CCSER1: variants seen among roughly 807,000 people sequenced by gnomAD.
CCSER1 encodes the protein serine-rich coiled-coil domain-containing protein 1.
Under a neutral mutation model 82.0 loss-of-function variants are expected in CCSER1, and 41 were observed. The observed-to-expected ratio is 0.50, with a 90% CI of 0.39 to 0.65. CCSER1 has a LOEUF of 0.65. Among genes scored for constraint, CCSER1 ranks in the 30% least tolerant of loss-of-function variants. CCSER1 has a pLI of 0.00. For missense variants in CCSER1, 1,119 were observed against 1,064.2 expected, an observed-to-expected ratio of 1.05 and a Z score of -0.72; for synonymous variants, 414 against 383.9, an observed-to-expected ratio of 1.08 and a Z score of -0.92.
intron 10 of CCSER1, among the ~76,000 whole-genome samples, chr4:91,428,992 A>G (rs1447243708): frequency 6.6e-6 from 1 of 151,984 alleles, no homozygotes; most frequent in East Asian, 1.9e-4. Context: ...GAAAAGATTA[A>G]AGGCAAAAGG....
intron 1 of CCSER1, among the ~76,000 whole-genome samples, chr4:90,273,820 CAT>C (rs1273851440): frequency 6.6e-6 from 1 of 152,022 alleles, no homozygotes; most frequent in Non-Finnish European, 1.5e-5. Flanking sequence ...ACTTGAAAAA[CAT>C]AGAAGAAAGG....
At chr4:90,321,136 A>G (rs56709509) in intron 3 of CCSER1, among the ~76,000 whole-genome samples, 46,161 of 151,896 alleles carry the variant, frequency 0.3, 7,169 homozygotes, top group East Asian at 0.44. Context: ...TAGTTACCCT[A>G]TTGTGCTATA....
intron 10 of CCSER1, among the ~76,000 whole-genome samples, chr4:91,268,935 G>A (rs1242738570): frequency 1.3e-5 from 2 of 152,176 alleles, no homozygotes; most frequent in Admixed American, 1.3e-4. Flanking sequence ...TATACGTGCA[G>A]GCTTGGGCTC....
At chr4:90,644,462 T>TATTTA (rs1727129284) in intron 6 of CCSER1, among the ~76,000 whole-genome samples, 1 of 151,784 alleles carries the variant, frequency 6.6e-6, no homozygotes, top group African/African-American at 2.4e-5. Context: ...GTATTTTTTT[T>TATTTA]ATTTAATTTA....
intron 10 of CCSER1, among the ~76,000 whole-genome samples, chr4:91,199,537 A>T (rs1735729532): frequency 6.6e-6 from 1 of 152,068 alleles, no homozygotes; most frequent in Admixed American, 6.6e-5. Flanking sequence ...GTAAAATTAA[A>T]ATTAATATAT....
chr4:91,432,741 A>G (rs1229755714), intron 10 of CCSER1, among the ~76,000 whole-genome samples: 1 of 152,118 alleles, frequency 6.6e-6, no homozygotes, highest in African/African-American at 2.4e-5. Context: ...ACTGATTTTT[A>G]GGAGGTTTAT....
Position 90,550,565 on chromosome 4 carries a change from G to A in CCSER1, c.1725-77460G>A, listed in dbSNP as rs1442482452. On this transcript the variant is annotated intron_variant, in intron 5 of 10. Coordinates refer to ENST00000509176, the MANE Select transcript of CCSER1 (RefSeq NM_001145065.2). Reference sequence around the variant, plus strand: ...TAATATAGAAAAATATATTATTGAGGCAAACAAGTTTTTGTGAAATAAATT... The same window carrying A: ...TAATATAGAAAAATATATTATTGAGACAAACAAGTTTTTGTGAAATAAATT... 3.3e-5 allele frequency among the ~76,000 whole-genome samples: 5 copies of A among 152,002 alleles called. No individual in the cohort carries two copies. In the East Asian group the frequency reaches 9.7e-4, roughly 29 times the overall value.
chr4:90,435,385 C>CTT (rs2153569157), intron 4 of CCSER1, among the ~76,000 whole-genome samples: 1 of 152,020 alleles, frequency 6.6e-6, no homozygotes, highest in Admixed American at 6.5e-5. Context: ...AAACAGAAGC[C>CTT]CTGTTTCTCC....
intron 7 of CCSER1, among the ~76,000 whole-genome samples, chr4:90,807,054 G>C (rs143013379): frequency 6.6e-6 from 1 of 152,074 alleles, no homozygotes; most frequent in African/African-American, 2.4e-5. Flanking sequence ...AGTTTTTGTC[G>C]TAAGGTGGTT....
At chr4:90,188,533 C>T (rs912722483) in intron 1 of CCSER1, among the ~76,000 whole-genome samples, 4 of 151,694 alleles carry the variant, frequency 2.6e-5, no homozygotes, top group African/African-American at 9.7e-5. Context: ...AGTATGTATA[C>T]CAATTACATA....
At chr4:90,629,151 T>TTGA (rs1208338702) in intron 6 of CCSER1, among the ~76,000 whole-genome samples, 1 of 152,128 alleles carries the variant, frequency 6.6e-6, no homozygotes, top group Non-Finnish European at 1.5e-5. Flanking sequence ...TTTGAACACT[T>TTGA]TGATAATAAT....
intron 10 of CCSER1, among the ~76,000 whole-genome samples, chr4:91,254,744 CATA>C (rs890303370): frequency 1.4e-4 from 21 of 152,020 alleles, no homozygotes; most frequent in African/African-American, 5.1e-4. Context: ...TGGGGGAAAA[CATA>C]GTTAACTTTT....
intron 1 of CCSER1, among the ~76,000 whole-genome samples, chr4:90,302,055 T>C (rs1733241930): frequency 6.6e-6 from 1 of 152,188 alleles, no homozygotes; most frequent in Non-Finnish European, 1.5e-5. Context: ...TTAGCATAAT[T>C]ACCCTCAGGA....
chr4:91,083,426 G>A (rs1161681141), intron 9 of CCSER1, among the ~76,000 whole-genome samples: 3 of 151,972 alleles, frequency 2.0e-5, no homozygotes, highest in Non-Finnish European at 2.9e-5. Flanking sequence ...TTGGCGGGGG[G>A]AAGGATAGCA....
Position 90,561,753 on chromosome 4 carries a change from A to G in CCSER1, c.1725-66272A>G, listed in dbSNP as rs79535256. Among the ~76,000 whole-genome samples, 115 of 152,328 alleles carry G rather than the reference A, an allele frequency of 7.5e-4. 1 individual carries two copies. In the East Asian group the frequency reaches 0.014, roughly 19 times the overall value. On this transcript the variant is annotated intron_variant, in intron 5 of 10. Transcript: ENST00000509176. ...GCATCACAAATAGCAGCAGGACAGT[A>G]GTAAGTATATGTCTGTCTCTACATA...
intron 5 of CCSER1, among the ~76,000 whole-genome samples, chr4:90,471,233 G>C (rs1016073624): frequency 6.6e-6 from 1 of 151,954 alleles, no homozygotes; most frequent in Non-Finnish European, 1.5e-5. Context: ...ACAGTGGTTA[G>C]GAATCCAGGC....
At chr4:90,272,356 T>C (rs539575047) in intron 1 of CCSER1, among the ~76,000 whole-genome samples, 1 of 152,210 alleles carries the variant, frequency 6.6e-6, no homozygotes, top group East Asian at 1.9e-4. Context: ...ACTGCAAAGA[T>C]ATATCATCTC....
At chr4:90,808,740 G>A (rs1014303461) in intron 7 of CCSER1, among the ~76,000 whole-genome samples, 7 of 152,242 alleles carry the variant, frequency 4.6e-5, no homozygotes, top group South Asian at 2.1e-4. Flanking sequence ...GACAATAGAT[G>A]TTACCATGGA....
intron 6 of CCSER1, among the ~76,000 whole-genome samples, chr4:90,643,235 C>G (rs982246402): frequency 6.8e-6 from 1 of 147,584 alleles, no homozygotes; most frequent in Non-Finnish European, 1.5e-5. Context: ...TATTTCAACT[C>G]CTCAACTAAG....
Sources: allele counts gnomAD v4.1 joint callset (sites outside exome capture counted in the v4.1 genomes callset), GRCh38; gene constraint gnomAD v4.1.1; transcripts MANE v1.5; gene names NCBI Gene and HGNC (gene_info 2026-07-23, HGNC 2026-07-21).